PGBD2: variants seen among roughly 807,000 people sequenced by gnomAD.
PGBD2 encodes piggyBac transposable element-derived protein 2.
A neutral mutation model predicts 8.1 loss-of-function variants in PGBD2; 6 were observed. The ratio of observed to expected loss-of-function variants is 0.74; its 90% CI spans 0.40 to 1.46. The LOEUF is 1.46. Ranked by LOEUF, PGBD2 falls within the 40% of genes most tolerant of loss-of-function variation. The pLI is 0.02. For missense variants in PGBD2, 802 were observed against 739.0 expected (o/e 1.09, Z -0.99); for synonymous variants, 318 against 272.2 (o/e 1.17, Z -1.66).
At chr1:248,915,875 A>G (rs1451680649) in intron 2 of PGBD2, among the ~76,000 whole-genome samples, 5 of 152,202 alleles carry the variant, frequency 3.3e-5, no homozygotes, top group Non-Finnish European at 5.9e-5. Context: ...GAGGGAAGGT[A>G]TAGTAAGACA....
upstream of PGBD2, among the ~76,000 whole-genome samples, chr1:248,904,776 T>C (rs1008059543): frequency 5.2e-5 from 8 of 152,382 alleles, no homozygotes; most frequent in African/African-American, 1.7e-4. Context: ...CAACCTTCCC[T>C]GACCAAATTA....
At chr1:248,874,485 T>C in the PGBD2 span, among the ~76,000 whole-genome samples, 1 of 152,218 alleles carries the variant, frequency 6.6e-6, no homozygotes, top group Non-Finnish European at 1.5e-5. Context: ...GCCGTATATG[T>C]AGTCAGTGTC....
the PGBD2 span, among the ~76,000 whole-genome samples, chr1:248,925,937 T>G: frequency 1.3e-5 from 2 of 152,254 alleles, no homozygotes; most frequent in South Asian, 4.1e-4. Flanking sequence ...CATTATGCTT[T>G]TGGCTCACAG....
At chr1:248,884,389 G>A in the PGBD2 span, among the ~76,000 whole-genome samples, 1 of 151,936 alleles carries the variant, frequency 6.6e-6, no homozygotes. Flanking sequence ...AGCCCAGGCT[G>A]GAGTGCAGTG....
chr1:248,913,837 A>G lies in PGBD2; in HGVS notation c.-26A>G. 2 of 1,599,468 alleles carry G rather than the reference A, an allele frequency of 1.3e-6. No individual in the cohort carries two copies. The highest frequency in any genetic ancestry group is 1.7e-6 in the Non-Finnish European group (2 of 1,166,638). On this transcript the variant is annotated 5_prime_UTR_variant, in exon 2 of 3. Transcript: ENST00000329291. ...ACAGGTTCTTAGACTCTGTGAGTAAAGACAGCTTCATCTTCCCAGTTCATC... is the reference window on the plus strand; with the variant it reads ...ACAGGTTCTTAGACTCTGTGAGTAAGGACAGCTTCATCTTCCCAGTTCATC...
At chr1:248,925,570 C>CT in the PGBD2 span, among the ~76,000 whole-genome samples, 2,465 of 132,990 alleles carry the variant, frequency 0.019, 54 homozygotes, top group African/African-American at 0.05. Context: ...GCTACCATGA[C>CT]TTTTTTTTTT....
the PGBD2 span, among the ~76,000 whole-genome samples, chr1:248,898,379 C>T: frequency 6.6e-6 from 1 of 152,214 alleles, no homozygotes; most frequent in African/African-American, 2.4e-5. Flanking sequence ...CACCTTTGCT[C>T]TCCTGACCTC....
chr1:248,896,578 G>T, the PGBD2 span, among the ~76,000 whole-genome samples: 1 of 152,038 alleles, frequency 6.6e-6, no homozygotes, highest in African/African-American at 2.4e-5. Flanking sequence ...CTGAGTAGCA[G>T]CACACCTATA....
the PGBD2 span, among the ~76,000 whole-genome samples, chr1:248,899,646 G>A: frequency 6.6e-6 from 1 of 151,786 alleles, no homozygotes. Flanking sequence ...GCCAGAAAGA[G>A]CTCAAGTCAA....
chr1:248,876,452 G>A, the PGBD2 span, among the ~76,000 whole-genome samples: 1 of 152,210 alleles, frequency 6.6e-6, no homozygotes. Flanking sequence ...CCAGTGTTGT[G>A]TTCTTAAGCA....
chr1:248,901,679 G>A (rs1379643576), upstream of PGBD2, among the ~76,000 whole-genome samples: 1 of 151,960 alleles, frequency 6.6e-6, no homozygotes, highest in Non-Finnish European at 1.5e-5. Flanking sequence ...CATAGACACG[G>A]GCAAAACCTT....
the PGBD2 span, among the ~76,000 whole-genome samples, chr1:248,927,263 G>A: frequency 8.5e-5 from 13 of 152,120 alleles, no homozygotes; most frequent in Non-Finnish European, 1.2e-4. Context: ...TGAGAATGTC[G>A]GGAAGGGAGG....
At chr1:248,881,236 A>G in the PGBD2 span, among the ~76,000 whole-genome samples, 4 of 152,080 alleles carry the variant, frequency 2.6e-5, no homozygotes, top group East Asian at 7.7e-4. Context: ...TCCTACCACC[A>G]TCCAGGAGTC....
At chr1:248,922,580 A>G (rs1022559638), downstream of PGBD2, among the ~76,000 whole-genome samples, 1 of 152,134 alleles carries the variant, frequency 6.6e-6, no homozygotes, top group Non-Finnish European at 1.5e-5. Context: ...TCAGTATGAT[A>G]TTGGCTATGA....
Position 248,917,132 on chromosome 1 carries a change from T to C in PGBD2, c.548T>C (p.Leu183Ser). ...ACGGCTCAGGAATTGAAGTGTGTTT[T>C]GGGCATTTTGATTTTAAGTGGGTAC... ...SLTAQELKCV[L>S]GILILSGYIS... The change falls in exon 3 of 3, where the codon TTG (leucine) becomes TCG (serine). Residue 183 changes from leucine (L) to serine (S), a missense_variant. Transcript: ENST00000329291. 1 of 1,614,134 alleles carries C rather than the reference T, an allele frequency of 6.2e-7. No individual in the cohort carries two copies. The highest frequency in any genetic ancestry group is 1.3e-5 in the African/African-American group (1 of 75,016).
At chr1:248,894,457 A>G in the PGBD2 span, among the ~76,000 whole-genome samples, 25 of 152,154 alleles carry the variant, frequency 1.6e-4, no homozygotes, top group Non-Finnish European at 1.2e-4. Flanking sequence ...GTGTAAGACA[A>G]GACTCCGATT....
chr1:248,929,618 G>T, the PGBD2 span, among the ~76,000 whole-genome samples: 1 of 152,160 alleles, frequency 6.6e-6, no homozygotes, highest in Non-Finnish European at 1.5e-5. Context: ...GATGAGCCAC[G>T]TGGCTGCTGA....
the PGBD2 span, among the ~76,000 whole-genome samples, chr1:248,874,379 G>GCTATGACTTGA: frequency 1.3e-5 from 2 of 152,172 alleles, no homozygotes; most frequent in Non-Finnish European, 2.9e-5. Flanking sequence ...CCCAGAGTCA[G>GCTATGACTTGA]CTATGACTTG....
chr1:248,878,418 C>A, the PGBD2 span, among the ~76,000 whole-genome samples: 80 of 152,226 alleles, frequency 5.3e-4, no homozygotes, highest in Admixed American at 9.2e-4. Flanking sequence ...ACCTCGTGAT[C>A]CGCCCGCCTC....
Sources: gnomAD v4.1 joint callset for allele counts (sites outside exome capture counted in the v4.1 genomes callset) on GRCh38, gnomAD v4.1.1 for gene constraint, MANE v1.5 for transcripts, NCBI Gene and HGNC (gene_info 2026-07-23, HGNC 2026-07-21) for gene names.